ABCB4: variants seen among roughly 807,000 people sequenced by gnomAD.
ABCB4 encodes ATP binding cassette subfamily B member 4.
In ABCB4, 76 loss-of-function variants were observed where a neutral mutation model predicts 145.7. That is an observed-to-expected ratio of 0.52 (90% CI 0.43 to 0.63). The LOEUF is 0.63. ABCB4 is among the 30% of genes least tolerant of loss of function. The pLI is 0.00. For synonymous variants in ABCB4, 517 were observed against 566.8 expected (o/e 0.91, Z 1.25); for missense variants, 1,234 against 1,553.1 (o/e 0.79, Z 3.45).
rs1193926252 is a variant in ABCB4, at chr7:87,409,229, A to G, written c.3081+7T>C. ...GATCAAGCATCATCAGGCATCAGAG[A>G]ACTTACAGGCTTCAGCCCCTCTTCA... On this transcript the variant is annotated splice_region_variant and intron_variant, in intron 24 of 27. Coordinates refer to ENST00000649586, the MANE Select transcript of ABCB4 (RefSeq NM_000443.4). The G allele has an allele frequency of 1.2e-6, 2 of 1,614,018 alleles. No homozygotes were observed. Among genetic ancestry groups the G allele is most frequent in the East Asian group, 2.2e-5 (1 of 44,844 alleles).
At position 87,406,493 on chromosome 7, in the gene ABCB4, A is replaced by G; in HGVS notation, c.3281T>C (p.Leu1094Pro). Residue 1094 changes from leucine to proline, a missense_variant and splice_region_variant, in exon 26 of 28, where the codon CTT (leucine) becomes CCT (proline). Transcript: ENST00000649586. ...RFYDPLAGTV[L>P]LDGQEAKKLN... ...TTTCTTTGCTTCTTGACCATCGAGA[A>G]GCTGAAAACCAAAGTCCACAAACTA... The G allele has an allele frequency of 6.2e-7, 1 of 1,613,972 alleles. No individual in the cohort carries two copies. The highest frequency in any genetic ancestry group is 8.5e-7 in the Non-Finnish European group (1 of 1,180,010).
At chr7:87,459,498 A>C (rs1360463322) in intron 4 of ABCB4, among the ~76,000 whole-genome samples, 1 of 152,200 alleles carries the variant, frequency 6.6e-6, no homozygotes, top group Non-Finnish European at 1.5e-5. Context: ...AGGCTGAATA[A>C]TATTCCATTG....
chr7:87,440,085 A>C, intron 13 of ABCB4, 114 bp downstream of exon 13: 1 of 1,280,916 alleles, frequency 7.8e-7, no homozygotes, highest in South Asian at 1.3e-5. Context: ...CTTATCTAGC[A>C]AAGTTGGACA....
chr7:87,371,783 G>A, the ABCB4 span, among the ~76,000 whole-genome samples: 1 of 152,064 alleles, frequency 6.6e-6, no homozygotes, highest in Non-Finnish European at 1.5e-5. Context: ...TTAAGGCCAA[G>A]AGTTGAAGAC....
At chr7:87,417,248 A>T in intron 21 of ABCB4, 64 bp downstream of exon 21, 1 of 1,468,762 alleles carries the variant, frequency 6.8e-7, no homozygotes, top group South Asian at 1.2e-5. Context: ...CATGATAAAT[A>T]ATTCAAATAA....
chr7:87,374,558 GGA>G, the ABCB4 span, among the ~76,000 whole-genome samples: 1 of 151,952 alleles, frequency 6.6e-6, no homozygotes, highest in Non-Finnish European at 1.5e-5. Flanking sequence ...ACTTATAATT[GGA>G]GCAAAATCAG....
At chr7:87,387,615 C>A in the ABCB4 span, among the ~76,000 whole-genome samples, 1 of 152,014 alleles carries the variant, frequency 6.6e-6, no homozygotes, top group South Asian at 2.1e-4. Context: ...ATATTGTATT[C>A]TTACAATAAA....
chr7:87,443,170 G>A, intron 12 of ABCB4, 149 bp downstream of exon 12: 1 of 963,938 alleles, frequency 1.0e-6, no homozygotes, highest in Non-Finnish European at 1.7e-6. Context: ...CAGCCCAAGG[G>A]TGTGAAGGCA....
chr7:87,418,213 T>A (rs867034933), intron 20 of ABCB4, among the ~76,000 whole-genome samples: 41 of 152,284 alleles, frequency 2.7e-4, no homozygotes, highest in African/African-American at 9.6e-4. Flanking sequence ...GTGGTTGAGG[T>A]AGAGGTGTGT....
At chr7:87,444,673 TA>T (rs528584728) in intron 10 of ABCB4, among the ~76,000 whole-genome samples, 188 bp downstream of exon 10, 2 of 152,246 alleles carry the variant, frequency 1.3e-5, no homozygotes, top group East Asian at 1.9e-4. Flanking sequence ...AAGATACATT[TA>T]AAAAATATTA....
chr7:87,396,151 A>G, the ABCB4 span, among the ~76,000 whole-genome samples: 1 of 152,206 alleles, frequency 6.6e-6, no homozygotes, highest in East Asian at 1.9e-4. Context: ...ATGTTGGGCC[A>G]GTTTCAGTGG....
chr7:87,468,665 G>T (rs2116948489), intron 3 of ABCB4, among the ~76,000 whole-genome samples: 1 of 152,230 alleles, frequency 6.6e-6, no homozygotes, highest in Middle Eastern at 3.4e-3. Flanking sequence ...GGGCGCGGTG[G>T]CTCACGCCTA....
intron 3 of ABCB4, among the ~76,000 whole-genome samples, chr7:87,467,821 G>A (rs1321683009): frequency 6.6e-6 from 1 of 152,186 alleles, no homozygotes; most frequent in Non-Finnish European, 1.5e-5. Flanking sequence ...AATGAAGGCA[G>A]AAATAAAGAT....
chr7:87,445,612 T>C (rs1219606018), intron 9 of ABCB4, among the ~76,000 whole-genome samples: 1 of 146,074 alleles, frequency 6.8e-6, no homozygotes, highest in Non-Finnish European at 1.5e-5. Flanking sequence ...TTAGCATAAC[T>C]TAACTGAGAA....
chr7:87,416,489 A>G (rs1176954392), intron 21 of ABCB4, among the ~76,000 whole-genome samples: 1 of 152,228 alleles, frequency 6.6e-6, no homozygotes, highest in Non-Finnish European at 1.5e-5. Context: ...TCATGTTTCA[A>G]TAAAGGATAA....
intron 3 of ABCB4, among the ~76,000 whole-genome samples, chr7:87,469,770 T>C (rs1273077276): frequency 2.6e-5 from 4 of 152,032 alleles, no homozygotes; most frequent in Non-Finnish European, 5.9e-5. Flanking sequence ...GAAGAATCAA[T>C]ATCGTGAAAA....
intron 7 of ABCB4, among the ~76,000 whole-genome samples, chr7:87,450,779 G>C (rs563042238): frequency 6.6e-6 from 1 of 152,104 alleles, no homozygotes; most frequent in East Asian, 1.9e-4. Flanking sequence ...CCTCCTCATG[G>C]GCATTCTGCT....
intron 5 of ABCB4, 67 bp downstream of exon 5, chr7:87,454,468 A>T: frequency 7.9e-7 from 1 of 1,258,560 alleles, no homozygotes; most frequent in Non-Finnish European, 1.1e-6. Context: ...GTATATTCTT[A>T]TAACTCTGTA....
intron 9 of ABCB4, among the ~76,000 whole-genome samples, chr7:87,446,789 C>T (rs1218852480): frequency 1.3e-5 from 2 of 152,088 alleles, no homozygotes; most frequent in Non-Finnish European, 2.9e-5. Flanking sequence ...TTTTTATTTC[C>T]TTTTATACAT....
Sources: gnomAD v4.1 joint callset for allele counts (sites outside exome capture counted in the v4.1 genomes callset) on GRCh38, gnomAD v4.1.1 for gene constraint, MANE v1.5 for transcripts, NCBI Gene and HGNC (gene_info 2026-07-23, HGNC 2026-07-21) for gene names.